The following RIN3 variants were observed in gnomAD, a reference collection of about 807,000 sequenced individuals.
RIN3 encodes Ras and Rab interactor 3.
A neutral mutation model predicts 76.3 loss-of-function variants in RIN3; 54 were observed. The ratio of observed to expected loss-of-function variants is 0.71; its 90% CI spans 0.57 to 0.89. RIN3 has a LOEUF of 0.89. Ranked by LOEUF, RIN3 falls within the 40% of genes least tolerant of loss-of-function variation. RIN3 has a pLI of 0.00. For synonymous variants in RIN3, 576 were observed against 564.0 expected, an observed-to-expected ratio of 1.02 and a Z score of -0.30; for missense variants, 1,256 against 1,322.1, an observed-to-expected ratio of 0.95 and a Z score of 0.78.
intron 4 of RIN3, among the ~76,000 whole-genome samples, chr14:92,616,795 A>C (rs544184365): frequency 3.3e-5 from 5 of 152,320 alleles, no homozygotes; most frequent in South Asian, 2.1e-4. Context: ...AAATTGGTTA[A>C]AAGATTTAAT....
chr14:92,659,417 C>T lies in RIN3; in HGVS notation c.2283C>T (p.Ile761=), dbSNP rs1243439796. ...ACTCACCTGAGAAGAAGATCTCCAT[C>T]CTGCTCAAGACCTGCAAACTCATCT... ...KAYSPEKKIS[I]LLKTCKLIYD... is the part of the protein sequence containing the mutation. The change falls in exon 7 of 10, where the codon ATC becomes ATT. Residue 761 remains isoleucine (I), a synonymous_variant. Transcript: ENST00000216487. 1 of 1,613,322 alleles carries T rather than the reference C, an allele frequency of 6.2e-7. No individual in the cohort carries two copies. The highest frequency in any genetic ancestry group is 1.1e-5 in the South Asian group (1 of 91,008).
At chr14:92,609,851 G>A (rs1404337795) in intron 3 of RIN3, among the ~76,000 whole-genome samples, 2 of 96,934 alleles carry the variant, frequency 2.1e-5, no homozygotes, top group Admixed American at 1.2e-4. Context: ...GTCTGTGTGT[G>A]TGTGTGTGTG....
chr14:92,537,441 C>T (rs1897024956), intron 1 of RIN3, among the ~76,000 whole-genome samples: 1 of 152,162 alleles, frequency 6.6e-6, no homozygotes, highest in Admixed American at 6.6e-5. Context: ...CAATGCTCCC[C>T]TGAATCCAGT....
At chr14:92,614,896 T>G (rs563237859) in intron 3 of RIN3, among the ~76,000 whole-genome samples, 1 of 144,816 alleles carries the variant, frequency 6.9e-6, no homozygotes, top group African/African-American at 2.6e-5. Flanking sequence ...CCAGGCGAAA[T>G]GCTGTGGTGC....
At chr14:92,531,932 CTT>C (rs535083345) in intron 1 of RIN3, among the ~76,000 whole-genome samples, 1 of 142,682 alleles carries the variant, frequency 7.0e-6, no homozygotes, top group Admixed American at 7.0e-5. Flanking sequence ...CATCTCTTAT[CTT>C]TTTTTTTTTT....
chr14:92,545,104 GTGTT>G (rs1385919288), intron 1 of RIN3, among the ~76,000 whole-genome samples: 26 of 104,256 alleles, frequency 2.5e-4, no homozygotes, highest in African/African-American at 9.3e-4. Flanking sequence ...TAACTTTCTG[GTGTT>G]TTTTTTTTTT....
At chr14:92,682,498 C>T (rs929282969) in intron 8 of RIN3, among the ~76,000 whole-genome samples, 13 of 152,168 alleles carry the variant, frequency 8.5e-5, no homozygotes, top group African/African-American at 3.1e-4. Flanking sequence ...AACTATGGGC[C>T]CAGCTCTTTC....
rs1321331358 is a variant in RIN3 at position 92,577,627 on chromosome 14, G to A, written c.367+150G>A. Reference sequence around the variant, plus strand: ...AGCTTTCAGTCACTGAAGTTACTTAGCCAGACTTGTTTTGAACTCAGTTCA... The same window carrying A: ...AGCTTTCAGTCACTGAAGTTACTTAACCAGACTTGTTTTGAACTCAGTTCA... On this transcript the variant is annotated intron_variant, in intron 3 of 9. Coordinates refer to ENST00000216487, the MANE Select transcript of RIN3 (RefSeq NM_024832.5). 7 of 562,408 alleles carry A rather than the reference G, an allele frequency of 1.2e-5. No individual in the cohort carries two copies. The Admixed American group carries it at 2.1e-4, about 17-fold the overall frequency. 34.8% of individuals were successfully genotyped at this position (562,408 alleles called of 1,614,324 possible).
rs373399692 is a variant in RIN3 at position 92,545,132 on chromosome 14, C to T, written c.45-10619C>T. On this transcript the variant is annotated intron_variant, in intron 1 of 9. Coordinates refer to ENST00000216487, the MANE Select transcript of RIN3 (RefSeq NM_024832.5). ...TTTTTTTTTTTTTTTTTTTTTGAGA[C>T]GGAGTCTTGCTCTGTCCCCCAGGCT... Among the ~76,000 whole-genome samples, 331 of 96,206 alleles carry T rather than the reference C, an allele frequency of 3.4e-3. 5 individuals are homozygous for T. Among genetic ancestry groups the T allele is most frequent in the African/African-American group, 0.013 (310 of 24,218 alleles). 63.1% of individuals were successfully genotyped at this position (96,206 alleles called of 152,430 possible). A position where few individuals can be genotyped will look rare whatever the true frequency, so the allele number is the denominator to read the frequency against.
chr14:92,659,591 T>C (rs1417237543), intron 7 of RIN3, 122 bp downstream of exon 7: 1 of 928,202 alleles, frequency 1.1e-6, no homozygotes, highest in Non-Finnish European at 1.6e-6. Flanking sequence ...CAGAGCCCCC[T>C]TGGGGAGGAA....
intron 4 of RIN3, among the ~76,000 whole-genome samples, chr14:92,618,847 T>G (rs1315497061): frequency 1.3e-5 from 2 of 152,190 alleles, no homozygotes; most frequent in African/African-American, 2.4e-5. Context: ...AATGCAGAAC[T>G]CTTAATAATA....
intron 3 of RIN3, among the ~76,000 whole-genome samples, chr14:92,604,213 TG>T (rs747851444): frequency 6.6e-6 from 1 of 152,124 alleles, no homozygotes; most frequent in Non-Finnish European, 1.5e-5. Flanking sequence ...CCCCAGCCCA[TG>T]GGGCCCTGCA....
chr14:92,566,220 T>C (rs769371481), intron 2 of RIN3, among the ~76,000 whole-genome samples: 6 of 152,178 alleles, frequency 3.9e-5, no homozygotes, highest in Non-Finnish European at 7.3e-5. Context: ...TGCCTTCAGT[T>C]CCCACTGTGT....
intron 2 of RIN3, among the ~76,000 whole-genome samples, chr14:92,569,432 T>C (rs888986230): frequency 2.0e-5 from 3 of 152,156 alleles, no homozygotes; most frequent in Non-Finnish European, 4.4e-5. Context: ...CCCCCATTTA[T>C]GGACAAGAAC....
At chr14:92,594,000 T>C (rs1330446450) in intron 3 of RIN3, among the ~76,000 whole-genome samples, 4 of 152,134 alleles carry the variant, frequency 2.6e-5, no homozygotes. Flanking sequence ...AGCACCATAA[T>C]CAACTGGATA....
rs550049157 is a variant in RIN3 at position 92,641,001 on chromosome 14, C to G, written c.441-237C>G. On this transcript the variant is annotated intron_variant, in intron 4 of 9. Transcript: ENST00000216487. ...GGAAAACCAAGGAGAAGCAGTGACCCCGCCCCGCCACTCCTGAGTAGGATC... is the reference window on the plus strand; with the variant it reads ...GGAAAACCAAGGAGAAGCAGTGACCGCGCCCCGCCACTCCTGAGTAGGATC... 4.6e-5 allele frequency among the ~76,000 whole-genome samples: 7 copies of G among 152,172 alleles called. No homozygotes were observed. The East Asian group carries it at 1.4e-3, about 29-fold the overall frequency.
At chr14:92,526,009 C>T (rs907762189) in intron 1 of RIN3, among the ~76,000 whole-genome samples, 3 of 152,030 alleles carry the variant, frequency 2.0e-5, no homozygotes, top group Admixed American at 6.6e-5. Flanking sequence ...CAGGTAAACT[C>T]GTGGTGGGGG....
chr14:92,602,014 A>G (rs990119645), intron 3 of RIN3, among the ~76,000 whole-genome samples: 2 of 152,192 alleles, frequency 1.3e-5, no homozygotes, highest in Admixed American at 1.3e-4. Flanking sequence ...GGAATCTTTT[A>G]TTACAGCATG....
Position 92,520,246 on chromosome 14 carries a change from ACACT to A in RIN3, c.44+6273_44+6276del, listed in dbSNP as rs537492424. On this transcript the variant is annotated intron_variant, in intron 1 of 9. Coordinates refer to ENST00000216487, the MANE Select transcript of RIN3 (RefSeq NM_024832.5). ...TTGTCTGTAAGTGACGTGACGGCAC[ACACT>A]CAGGCCACATCCTATGGGGTAATGG... is the stretch of plus-strand genomic sequence containing the variant. Among the ~76,000 whole-genome samples the A allele has an allele frequency of 2.9e-3, 440 of 152,366 alleles. 1 individual carries two copies. Among genetic ancestry groups the A allele is most frequent in the African/African-American group, 0.01 (420 of 41,590 alleles).
Sources: allele counts gnomAD v4.1 joint callset (sites outside exome capture counted in the v4.1 genomes callset), GRCh38; gene constraint gnomAD v4.1.1; transcripts MANE v1.5; gene names NCBI Gene and HGNC (gene_info 2026-07-23, HGNC 2026-07-21).